Variants in ERRFI1 observed in about 807,000 individuals in gnomAD.
The protein encoded by ERRFI1 is mitogen-inducible gene 6 protein.
A neutral mutation model predicts 14.6 loss-of-function variants in ERRFI1; 12 were observed. The observed-to-expected ratio is 0.82, with a 90% confidence interval of 0.53 to 1.33. The LOEUF is 1.33. ERRFI1 is among the 40% of genes most tolerant of loss of function. The probability of loss-of-function intolerance (pLI) is 0.00; values close to 1 mark genes in which losing one functional copy is unlikely to be tolerated. For synonymous variants in ERRFI1, 202 were observed against 209.9 expected (o/e 0.96, Z 0.32); for missense variants, 482 against 572.1 (o/e 0.84, Z 1.61).
chr1:8,014,581 G>A (rs1001309787), intron 3 of ERRFI1, 185 bp from the exon 4 acceptor site: 2 of 586,844 alleles, frequency 3.4e-6, no homozygotes, highest in Admixed American at 3.4e-5. Flanking sequence ...GATTCTTAAC[G>A]CACATGGTGT....
In ERRFI1 at chr1:8,013,652, G is replaced by T. The variant is rs374638182; in HGVS notation, c.947C>A (p.Pro316His). 67 of 1,614,002 alleles carry T rather than the reference G, an allele frequency of 4.2e-5. No individual in the cohort carries two copies. Among genetic ancestry groups the T allele is most frequent in the Non-Finnish European group, 5.5e-5 (65 of 1,180,036 alleles). ...TSSTYSDEDR[P>H]PKVPPREPLS... ...AGGTTCTCTTGGCGGTACTTTGGGA[G>T]GCCTGTCTTCATCACTATAGGTGCT... The change falls in exon 4 of 4, where the codon CCT (proline) becomes CAT (histidine). Residue 316 changes from proline (P) to histidine (H), a missense_variant. Coordinates refer to ENST00000377482, the MANE Select transcript of ERRFI1 (RefSeq NM_018948.4). This position sits in a 1 kb window ranked among gnomAD's most constrained non-coding sequence, Gnocchi z 4.3.
chr1:8,024,171 G>C (rs934546824), intron 1 of ERRFI1, among the ~76,000 whole-genome samples: 1 of 152,152 alleles, frequency 6.6e-6, no homozygotes, highest in African/African-American at 2.4e-5. Context: ...GCTTTGAAAA[G>C]CCACCATTAG....
chr1:8,021,342 A>G (rs980313237), intron 1 of ERRFI1, among the ~76,000 whole-genome samples: 2 of 152,252 alleles, frequency 1.3e-5, no homozygotes, highest in Admixed American at 6.5e-5. Context: ...AACTCACTTA[A>G]GCCTCCCACA....
chr1:8,025,717 C>T (rs1641336491), intron 1 of ERRFI1, among the ~76,000 whole-genome samples: 1 of 152,150 alleles, frequency 6.6e-6, no homozygotes. Context: ...CGCCGGGCAA[C>T]CCCGCGAGCG....
chr1:8,017,106 A>G (rs1641187033), intron 1 of ERRFI1, among the ~76,000 whole-genome samples: 1 of 152,100 alleles, frequency 6.6e-6, no homozygotes, highest in African/African-American at 2.4e-5. Context: ...CATAATCAGT[A>G]TCAACTCAAT....
At chr1:8,016,167 T>C (rs2124067660) in intron 1 of ERRFI1, among the ~76,000 whole-genome samples, 1 of 152,326 alleles carries the variant, frequency 6.6e-6, no homozygotes, top group South Asian at 2.1e-4. Context: ...TAAAACACAA[T>C]GCTGAAACTA....
At chr1:8,017,139 G>GC (rs1641187375) in intron 1 of ERRFI1, among the ~76,000 whole-genome samples, 1 of 147,256 alleles carries the variant, frequency 6.8e-6, no homozygotes, top group Admixed American at 7.2e-5. Context: ...TAAGGCACAG[G>GC]GTTTTTTTTT....
At chr1:8,022,568 T>A (rs937102252) in intron 1 of ERRFI1, among the ~76,000 whole-genome samples, 3 of 152,236 alleles carry the variant, frequency 2.0e-5, no homozygotes, top group Non-Finnish European at 4.4e-5. Flanking sequence ...ATGGCTCTTC[T>A]GTACTATAAT....
chr1:8,018,383 G>C (rs1437911082), intron 1 of ERRFI1, among the ~76,000 whole-genome samples: 4 of 115,612 alleles, frequency 3.5e-5, no homozygotes, highest in Admixed American at 9.2e-5. Context: ...CGGGGGGGGG[G>C]GGGGCGCGGA....
intron 3 of ERRFI1, chr1:8,014,945 A>G (rs1569583964): frequency 8.6e-6 from 2 of 232,340 alleles, no homozygotes; most frequent in Non-Finnish European, 8.5e-6. Flanking sequence ...CATTTATACT[A>G]TTTTCATCTA....
rs1641104775 is a variant in ERRFI1 at position 8,012,795 on chromosome 1, T to G, written c.*415A>C. ...TAAACAATACTGTATCTTCTTCCAT[T>G]TGCTCAATTTTCAGTCTATCAGGAC... is the stretch of plus-strand genomic sequence containing the variant. On this transcript the variant is annotated 3_prime_UTR_variant, in exon 4 of 4. Transcript: ENST00000377482. 1.7e-5 allele frequency: 4 copies of G among 241,804 alleles called. No individual in the cohort carries two copies. The highest frequency in any genetic ancestry group is 3.3e-5 in the Non-Finnish European group (4 of 122,740). The allele number at this position is 241,804 out of a possible 1,614,324, so 15.0% of individuals were successfully genotyped here.
In ERRFI1 at chr1:8,013,074, A is replaced by T; in HGVS notation, c.*136T>A. On this transcript the variant is annotated 3_prime_UTR_variant, in exon 4 of 4. Transcript: ENST00000377482. This position sits in a 1 kb window ranked among gnomAD's most constrained non-coding sequence, Gnocchi z 4.3. Reference sequence around the variant, plus strand: ...ATAACAGCATCTCACAACTGCTCTAAACCTTCCACATGAAGACAGAGAGTT... The same window carrying T: ...ATAACAGCATCTCACAACTGCTCTATACCTTCCACATGAAGACAGAGAGTT... 1.3e-6 allele frequency: 1 copy of T among 789,738 alleles called. No homozygotes were observed. Among genetic ancestry groups the T allele is most frequent in the Non-Finnish European group, 2.0e-6 (1 of 501,356 alleles). 48.9% of individuals were successfully genotyped at this position (789,738 alleles called of 1,614,324 possible). A position where few individuals can be genotyped will look rare whatever the true frequency, so the allele number is the denominator to read the frequency against.
intron 1 of ERRFI1, among the ~76,000 whole-genome samples, chr1:8,016,581 T>C (rs1243911950): frequency 2.6e-5 from 4 of 152,240 alleles, no homozygotes; most frequent in African/African-American, 9.6e-5. Context: ...GGAGTCCCTA[T>C]AGCCCCCTTT....
At chr1:8,022,855 T>C (rs755622889) in intron 1 of ERRFI1, among the ~76,000 whole-genome samples, 9 of 152,178 alleles carry the variant, frequency 5.9e-5, no homozygotes, top group Non-Finnish European at 1.2e-4. Flanking sequence ...TTAGACACCA[T>C]GTGAGGTGAA....
rs1641094036 is a variant in ERRFI1, at chr1:8,012,099, G to C, written c.*1111C>G. 1 of 230,474 alleles carries C rather than the reference G, an allele frequency of 4.3e-6. No individual in the cohort carries two copies. Among genetic ancestry groups the C allele is most frequent in the South Asian group, 1.8e-4 (1 of 5,504 alleles). 14.3% of individuals were successfully genotyped at this position (230,474 alleles called of 1,614,324 possible). On this transcript the variant is annotated 3_prime_UTR_variant, in exon 4 of 4. Transcript: ENST00000377482. ...CTAAGTGAAGCAGCCACAGCTGTGA[G>C]AGTTTTCAAAGCAGAAAGATGCTGA...
At position 8,014,170 on chromosome 1, in the gene ERRFI1, G is replaced by A. The variant is rs138847477; in HGVS notation, c.429C>T (p.Ala143=). 1.2e-6 allele frequency: 2 copies of A among 1,614,164 alleles called. No homozygotes were observed. Among genetic ancestry groups the A allele is most frequent in the Non-Finnish European group, 1.7e-6 (2 of 1,180,036 alleles). Residue 143 remains alanine (A), a synonymous_variant, in exon 4 of 4, where the codon GCC becomes GCT. Transcript: ENST00000377482. ...GCCTAGAACCCCGTTCACAAAGAGGGGCACAGGGGAAAAGGGAAGGGGAGT... is the reference window on the plus strand; with the variant it reads ...GCCTAGAACCCCGTTCACAAAGAGGAGCACAGGGGAAAAGGGAAGGGGAGT... ...IKNSPSLFPC[A]PLCERGSRPL...
At position 8,012,360 on chromosome 1, in the gene ERRFI1, T is replaced by G. The variant is rs1360115941; in HGVS notation, c.*850A>C. The G allele has an allele frequency of 8.7e-6, 2 of 230,686 alleles. No homozygotes were observed. The highest frequency in any genetic ancestry group is 1.7e-5 in the Non-Finnish European group (2 of 116,184). 14.3% of individuals were successfully genotyped at this position (230,686 alleles called of 1,614,324 possible). A position where few individuals can be genotyped will look rare whatever the true frequency, so the allele number is the denominator to read the frequency against. On this transcript the variant is annotated 3_prime_UTR_variant, in exon 4 of 4. Transcript: ENST00000377482. ...TTTTGTAAAACTGACATCCTAACACTGGCACCTAGAATACTTTTCCATCTG... is the reference window on the plus strand; with the variant it reads ...TTTTGTAAAACTGACATCCTAACACGGGCACCTAGAATACTTTTCCATCTG...
chr1:8,015,795 T>C (rs2124066951), intron 1 of ERRFI1, 103 bp from the exon 2 acceptor site: 1 of 724,266 alleles, frequency 1.4e-6, no homozygotes, highest in Non-Finnish European at 2.2e-6. Flanking sequence ...TGGGGGATGC[T>C]GAATAGAAAA....
intron 1 of ERRFI1, among the ~76,000 whole-genome samples, chr1:8,025,254 G>C (rs1409769960): frequency 6.6e-6 from 1 of 152,148 alleles, no homozygotes; most frequent in South Asian, 2.1e-4. Context: ...TCCTAATAAA[G>C]ACTTAGCAAG....
Sources: allele counts gnomAD v4.1 joint callset (sites outside exome capture counted in the v4.1 genomes callset), GRCh38; gene constraint gnomAD v4.1.1; non-coding constraint Gnocchi (gnomAD v3.1); transcripts MANE v1.5; gene names NCBI Gene and HGNC (gene_info 2026-07-23, HGNC 2026-07-21).